NEK10: variants seen among roughly 807,000 people sequenced by gnomAD.
NEK10 encodes the protein serine/threonine-protein kinase Nek10.
NEK10 carries 122 observed loss-of-function variants against 159.8 expected under a neutral mutation model. The ratio of observed to expected loss-of-function variants is 0.76; its 90% CI spans 0.66 to 0.89. NEK10 has a LOEUF of 0.89. NEK10 is among the 40% of genes least tolerant of loss of function. The pLI is 0.00. For synonymous variants in NEK10, 466 were observed against 457.1 expected, an observed-to-expected ratio of 1.02 and a Z score of -0.25; for missense variants, 1,342 against 1,323.1, an observed-to-expected ratio of 1.01 and a Z score of -0.22.
chr3:27,257,791 T>C (rs1327465110), intron 22 of NEK10, among the ~76,000 whole-genome samples: 6 of 103,310 alleles, frequency 5.8e-5, no homozygotes, highest in African/African-American at 1.5e-4. Flanking sequence ...CTTTTTTCTT[T>C]TTTTTTTTTT....
chr3:27,353,758 C>T (rs965333938), intron 1 of NEK10, among the ~76,000 whole-genome samples: 118 of 152,206 alleles, frequency 7.8e-4, no homozygotes, highest in African/African-American at 2.3e-3. Context: ...CACTCTCAGA[C>T]TGAAAACTGC....
chr3:27,231,746 G>A (rs1361759436), intron 23 of NEK10, among the ~76,000 whole-genome samples: 1 of 151,634 alleles, frequency 6.6e-6, no homozygotes, highest in East Asian at 1.9e-4. Context: ...GAAATATAGA[G>A]GAAATGGACA....
chr3:27,353,799 C>T (rs1469261105), intron 1 of NEK10, among the ~76,000 whole-genome samples: 6 of 152,040 alleles, frequency 3.9e-5, no homozygotes, highest in African/African-American at 1.2e-4. Flanking sequence ...TACAGGTATG[C>T]GTTTCTACCA....
rs541757192 is a variant in NEK10, at chr3:27,271,023, C to T, written c.2014+13579G>A. 2.5e-4 allele frequency among the ~76,000 whole-genome samples: 38 copies of T among 152,118 alleles called. No homozygotes were observed. In the South Asian group the frequency reaches 7.5e-3, roughly 30 times the overall value. ...TCATTTCTAACTAGTATGAAAGATC[C>T]ATGAGAGGACTTTGTATTGCTTATC... On this transcript the variant is annotated intron_variant, in intron 22 of 35. Transcript: ENST00000691995.
intron 9 of NEK10, chr3:27,310,101 T>A (rs1034500706): frequency 6.6e-6 from 1 of 152,212 alleles, no homozygotes; most frequent in African/African-American, 2.4e-5. Flanking sequence ...ATTTTTTGCC[T>A]TTATGATTTC....
At chr3:27,329,912 C>T (rs1259749865) in intron 5 of NEK10, among the ~76,000 whole-genome samples, 1 of 152,146 alleles carries the variant, frequency 6.6e-6, no homozygotes, top group Non-Finnish European at 1.5e-5. Context: ...ATAGTCATCC[C>T]TTGGTATCCT....
intron 5 of NEK10, among the ~76,000 whole-genome samples, chr3:27,339,418 C>T (rs924288132): frequency 6.6e-6 from 1 of 152,114 alleles, no homozygotes; most frequent in South Asian, 2.1e-4. Flanking sequence ...CAAAAGAAGA[C>T]ATTTATGTAG....
intron 6 of NEK10, among the ~76,000 whole-genome samples, chr3:27,320,364 A>G (rs1005059826): frequency 2.0e-5 from 3 of 152,204 alleles, no homozygotes; most frequent in African/African-American, 7.2e-5. Context: ...TAGGACAAAT[A>G]TTTGCTAGTT....
intron 31 of NEK10, among the ~76,000 whole-genome samples, chr3:27,140,072 T>C (rs1277816629): frequency 6.6e-6 from 1 of 152,172 alleles, no homozygotes; most frequent in Non-Finnish European, 1.5e-5. Context: ...GGTACTATTA[T>C]TTAGAATGCC....
At chr3:27,258,382 C>A (rs566799859) in intron 22 of NEK10, among the ~76,000 whole-genome samples, 1 of 140,482 alleles carries the variant, frequency 7.1e-6, no homozygotes, top group Admixed American at 7.6e-5. Context: ...CCCCCTACCC[C>A]ACAACAGGCC....
intron 5 of NEK10, among the ~76,000 whole-genome samples, chr3:27,340,954 C>T (rs935316006): frequency 2.6e-5 from 4 of 152,074 alleles, no homozygotes; most frequent in Non-Finnish European, 4.4e-5. Flanking sequence ...CCTTAGTGTA[C>T]ACCAACAAAC....
chr3:27,156,887 C>T (rs1020250533), intron 30 of NEK10, among the ~76,000 whole-genome samples: 1 of 132,936 alleles, frequency 7.5e-6, no homozygotes, highest in Non-Finnish European at 1.6e-5. Flanking sequence ...AATTGTGGAA[C>T]CAACCCAAAT....
chr3:27,131,447 G>A (rs889584256), intron 32 of NEK10, among the ~76,000 whole-genome samples: 1 of 152,122 alleles, frequency 6.6e-6, no homozygotes, highest in Non-Finnish European at 1.5e-5. Flanking sequence ...GACTATCTAA[G>A]ATGGAAAGAA....
chr3:27,180,650 A>G (rs935854611), intron 26 of NEK10, among the ~76,000 whole-genome samples: 9 of 152,246 alleles, frequency 5.9e-5, no homozygotes, highest in Non-Finnish European at 1.0e-4. Context: ...TTTTTAACAC[A>G]GAGTTACATA....
In NEK10 at chr3:27,125,524, T is replaced by C. The variant is rs559969846; in HGVS notation, c.3082-5656A>G. ...CTTCTTTGACTGAACTACACTATTA[T>C]AAGATACAACATATTGCCTAATTTT... On this transcript the variant is annotated intron_variant, in intron 32 of 35. Coordinates refer to ENST00000691995, the MANE Select transcript of NEK10 (RefSeq NM_001394966.1). 4.0e-4 allele frequency among the ~76,000 whole-genome samples: 61 copies of C among 152,304 alleles called. 1 individual carries two copies. Among genetic ancestry groups the C allele is most frequent in the African/African-American group, 1.3e-3 (55 of 41,580 alleles).
rs2048043001 is a variant in NEK10 at position 27,352,532 on chromosome 3, G to T, written c.72-7C>A. On this transcript the variant is annotated splice_region_variant and splice_polypyrimidine_tract_variant and intron_variant, in intron 2 of 35. Transcript: ENST00000691995. ...TTTAAGATCTGAATAGTCCCTAGGA[G>T]AGAGAATAACACAATGTGAACCCAC... 1.2e-6 allele frequency: 2 copies of T among 1,601,118 alleles called. No individual in the cohort carries two copies. Among genetic ancestry groups the T allele is most frequent in the Admixed American group, 1.7e-5 (1 of 59,868 alleles).
intron 29 of NEK10, among the ~76,000 whole-genome samples, chr3:27,168,612 T>C (rs1946684678): frequency 6.6e-6 from 1 of 152,238 alleles, no homozygotes; most frequent in Non-Finnish European, 1.5e-5. Flanking sequence ...TTTTATCATT[T>C]ATTTTCTTCT....
chr3:27,290,532 G>A, intron 19 of NEK10, 85 bp downstream of exon 19: 1 of 983,798 alleles, frequency 1.0e-6, no homozygotes, highest in Non-Finnish European at 1.5e-6. Context: ...TTCATAAGCA[G>A]CATGGACAAG....
chr3:27,244,260 C>A (rs1954842890), intron 23 of NEK10, among the ~76,000 whole-genome samples: 2 of 152,132 alleles, frequency 1.3e-5, no homozygotes, highest in Non-Finnish European at 2.9e-5. Context: ...AGTTTGGAGG[C>A]ACAGAGAAAT....
Sources: allele counts gnomAD v4.1 joint callset (sites outside exome capture counted in the v4.1 genomes callset), GRCh38; gene constraint gnomAD v4.1.1; transcripts MANE v1.5; gene names NCBI Gene and HGNC (gene_info 2026-07-23, HGNC 2026-07-21).